ANKFN1: variants seen among roughly 807,000 people sequenced by gnomAD.
ANKFN1 encodes ankyrin repeat and fibronectin type-III domain-containing protein 1.
ANKFN1 carries 74 observed loss-of-function variants against 108.7 expected under a neutral mutation model. The observed-to-expected ratio is 0.68, with a 90% confidence interval of 0.56 to 0.83. ANKFN1 has a LOEUF of 0.83. Ranked by LOEUF, ANKFN1 falls within the 40% of genes least tolerant of loss-of-function variation. The pLI is 0.00. For synonymous variants in ANKFN1, 547 were observed against 516.2 expected, an observed-to-expected ratio of 1.06 and a Z score of -0.81; for missense variants, 1,505 against 1,382.3, an observed-to-expected ratio of 1.09 and a Z score of -1.41.
At chr17:56,145,613 A>G (rs1412468808) in intron 4 of ANKFN1, among the ~76,000 whole-genome samples, 1 of 152,038 alleles carries the variant, frequency 6.6e-6, no homozygotes, top group East Asian at 1.9e-4. Context: ...AATTACCTCC[A>G]CCTCGTCCCA....
intron 16 of ANKFN1, 52 bp downstream of exon 16, chr17:56,477,706 G>A (rs768759780): frequency 6.3e-7 from 1 of 1,575,870 alleles, no homozygotes; most frequent in Non-Finnish European, 8.6e-7. Context: ...TGGCTCAAGT[G>A]ACCAGCTTGA....
chr17:56,384,008 G>T lies in ANKFN1; in HGVS notation c.910+9294G>T, dbSNP rs989854319. Among the ~76,000 whole-genome samples the T allele has an allele frequency of 7.2e-5, 11 of 152,166 alleles. No individual in the cohort carries two copies. In the South Asian group the frequency reaches 2.1e-3, roughly 29 times the overall value. Reference sequence around the variant, plus strand: ...CCAGCATCATCCTGATACCAAAGCCGGGCAGAGACACAACCAAAAAAGAGA... The same window carrying T: ...CCAGCATCATCCTGATACCAAAGCCTGGCAGAGACACAACCAAAAAAGAGA... On this transcript the variant is annotated intron_variant, in intron 8 of 20. Transcript: ENST00000682825.
intron 4 of ANKFN1, among the ~76,000 whole-genome samples, chr17:56,337,532 T>A (rs1394162836): frequency 6.6e-6 from 1 of 152,058 alleles, no homozygotes; most frequent in Admixed American, 6.6e-5. Flanking sequence ...ACAGGCAACT[T>A]ACAGAATGGG....
chr17:56,313,890 G>A (rs538091166), intron 3 of ANKFN1, among the ~76,000 whole-genome samples: 5 of 152,110 alleles, frequency 3.3e-5, no homozygotes, highest in East Asian at 1.9e-4. Flanking sequence ...ATTTCCAACC[G>A]GCCTGAAAGT....
chr17:56,198,578 C>T (rs187845374), intron 1 of ANKFN1, among the ~76,000 whole-genome samples: 1 of 152,306 alleles, frequency 6.6e-6, no homozygotes, highest in African/African-American at 2.4e-5. Flanking sequence ...CTGAGCTAAA[C>T]ATTTGTCCTT....
At chr17:56,331,373 A>G (rs1485740375) in intron 4 of ANKFN1, among the ~76,000 whole-genome samples, 1 of 152,158 alleles carries the variant, frequency 6.6e-6, no homozygotes, top group Non-Finnish European at 1.5e-5. Context: ...GCATGGTTAG[A>G]ACTCCTATTT....
intron 4 of ANKFN1, among the ~76,000 whole-genome samples, chr17:56,147,319 G>C (rs1302354530): frequency 1.3e-5 from 2 of 152,136 alleles, no homozygotes; most frequent in African/African-American, 2.4e-5. Context: ...CCTTATAGCA[G>C]CACCTCACTC....
intron 8 of ANKFN1, among the ~76,000 whole-genome samples, chr17:56,388,409 G>C (rs1322435037): frequency 6.6e-6 from 1 of 151,774 alleles, no homozygotes; most frequent in Non-Finnish European, 1.5e-5. Flanking sequence ...TAGGATTACA[G>C]GCATGAGTCA....
chr17:56,387,614 G>C (rs2047312370), intron 8 of ANKFN1, among the ~76,000 whole-genome samples: 1 of 152,206 alleles, frequency 6.6e-6, no homozygotes, highest in Non-Finnish European at 1.5e-5. Flanking sequence ...TATTTGAAAA[G>C]AGTGTGTAAA....
intron 3 of ANKFN1, among the ~76,000 whole-genome samples, chr17:56,264,216 G>A (rs1327835512): frequency 1.3e-5 from 2 of 152,206 alleles, no homozygotes; most frequent in Non-Finnish European, 2.9e-5. Context: ...CAGTGGATTT[G>A]TGTTGTCTCT....
intron 3 of ANKFN1, among the ~76,000 whole-genome samples, chr17:56,319,551 C>T (rs1295660090): frequency 6.6e-6 from 1 of 152,192 alleles, no homozygotes; most frequent in East Asian, 1.9e-4. Context: ...CACAACCGCA[C>T]TACAGTCCAG....
At chr17:56,061,121 G>C (rs1904966321) in intron 4 of ANKFN1, among the ~76,000 whole-genome samples, 1 of 152,000 alleles carries the variant, frequency 6.6e-6, no homozygotes, top group Admixed American at 6.6e-5. Flanking sequence ...ACTTGTTATT[G>C]GTCTATTCAG....
At position 56,268,186 on chromosome 17, in the gene ANKFN1, G is replaced by A. The variant is rs2043703198; in HGVS notation, c.53+40229G>A. On this transcript the variant is annotated intron_variant, in intron 3 of 20. Coordinates refer to ENST00000682825, the MANE Select transcript of ANKFN1 (RefSeq NM_001370326.1). ...AACTCACCACACGCTTGGCCATAAA[G>A]CAATTCTCAACAAATTTTTAAAAAA... Among the ~76,000 whole-genome samples the A allele has an allele frequency of 2.0e-5, 3 of 152,016 alleles. No individual in the cohort carries two copies. In the South Asian group the frequency reaches 6.2e-4, roughly 31 times the overall value.
At chr17:56,121,951 G>A (rs78116746) in intron 4 of ANKFN1, among the ~76,000 whole-genome samples, 1,578 of 152,286 alleles carry the variant, frequency 0.01, 27 homozygotes, top group African/African-American at 0.035. Context: ...AGCAGGGGTT[G>A]CTGGGGGGAG....
At chr17:56,439,603 G>A (rs751721684) in intron 8 of ANKFN1, among the ~76,000 whole-genome samples, 1 of 151,968 alleles carries the variant, frequency 6.6e-6, no homozygotes, top group Non-Finnish European at 1.5e-5. Context: ...CAATGAAAAG[G>A]CTTGGAAGAA....
intron 4 of ANKFN1, among the ~76,000 whole-genome samples, chr17:56,119,373 A>G (rs763381928): frequency 3.3e-5 from 5 of 152,186 alleles, no homozygotes; most frequent in Non-Finnish European, 7.4e-5. Flanking sequence ...TGCCACTCAG[A>G]GGCCCAGAAG....
intron 8 of ANKFN1, among the ~76,000 whole-genome samples, chr17:56,381,746 A>G (rs1436306743): frequency 3.3e-5 from 5 of 151,864 alleles, no homozygotes; most frequent in African/African-American, 9.7e-5. Context: ...AAAAAGAATA[A>G]AAAGAAACGA....
chr17:56,152,282 G>GTA (rs1908701769), upstream of ANKFN1, among the ~76,000 whole-genome samples: 2 of 151,466 alleles, frequency 1.3e-5, no homozygotes, highest in African/African-American at 4.9e-5. Flanking sequence ...GTGTGTGTGT[G>GTA]TGTGTGTGTG....
chr17:56,138,185 G>A (rs1166781420), intron 4 of ANKFN1, among the ~76,000 whole-genome samples: 1 of 152,192 alleles, frequency 6.6e-6, no homozygotes, highest in Non-Finnish European at 1.5e-5. Flanking sequence ...TGATTACTCA[G>A]TTGAAAATAA....
Sources: allele counts gnomAD v4.1 joint callset (sites outside exome capture counted in the v4.1 genomes callset), GRCh38; gene constraint gnomAD v4.1.1; transcripts MANE v1.5; gene names NCBI Gene and HGNC (gene_info 2026-07-23, HGNC 2026-07-21).